The following ADCY8 variants were observed in gnomAD, a reference collection of about 807,000 sequenced individuals.
ADCY8 encodes adenylate cyclase type 8.
ADCY8 carries 51 observed loss-of-function variants against 119.7 expected under a neutral mutation model. The observed-to-expected ratio is 0.43, with a 90% CI of 0.34 to 0.54. The LOEUF is 0.54. Ranked by LOEUF, ADCY8 falls within the 20% of genes least tolerant of loss-of-function variation. The pLI, the probability that ADCY8 is intolerant of heterozygous loss-of-function variation, is 0.03. For missense variants in ADCY8, 1,383 were observed against 1,598.8 expected, an observed-to-expected ratio of 0.87 and a Z score of 2.30; for synonymous variants, 665 against 651.0, an observed-to-expected ratio of 1.02 and a Z score of -0.33.
chr8:130,991,479 CAGTA>C (rs1334206748), intron 1 of ADCY8, among the ~76,000 whole-genome samples: 2 of 152,160 alleles, frequency 1.3e-5, no homozygotes, highest in Non-Finnish European at 2.9e-5. Flanking sequence ...ATAGGGAAGA[CAGTA>C]AGCAATTGAG....
chr8:131,004,108 C>G (rs887419762), intron 1 of ADCY8, among the ~76,000 whole-genome samples: 9 of 152,096 alleles, frequency 5.9e-5, no homozygotes, highest in African/African-American at 1.9e-4. Context: ...GGAAGATTTG[C>G]AAGAGTGAAG....
At chr8:130,979,595 T>C (rs950905889) in intron 2 of ADCY8, among the ~76,000 whole-genome samples, 12 of 152,152 alleles carry the variant, frequency 7.9e-5, no homozygotes, top group African/African-American at 2.9e-4. Flanking sequence ...CATCGTAGCA[T>C]AATAATTGGT....
At chr8:131,038,655 A>G (rs1824244601) in intron 1 of ADCY8, among the ~76,000 whole-genome samples, 1 of 152,350 alleles carries the variant, frequency 6.6e-6, no homozygotes, top group African/African-American at 2.4e-5. Flanking sequence ...TAAAGCATCT[A>G]CATCAAAATG....
rs1819689888 is a variant in ADCY8 at position 130,903,875 on chromosome 8, T to A, written c.1808A>T (p.Lys603Met). Residue 603 changes from lysine to methionine, a missense_variant, in exon 7 of 18, where the codon AAG becomes ATG. This residue lies in a region of ADCY8 where 928 missense variants were observed against 1,163.5 expected (regional missense o/e 0.80). Transcript: ENST00000286355. The stretch of plus-strand genomic sequence containing the variant: ...CCGGTCTGAGGAGCTCACTGACTCC[T>A]TGACGATATCTTCAGGCAAGGACAG... Reference protein sequence around the residue: ...SLLSLPEDIVKESVSSSDRRN... With the variant: ...SLLSLPEDIVMESVSSSDRRN... 2 of 1,613,978 alleles carry A rather than the reference T, an allele frequency of 1.2e-6. No homozygotes were observed. The highest frequency in any genetic ancestry group is 1.3e-5 in the African/African-American group (1 of 74,924).
intron 12 of ADCY8, among the ~76,000 whole-genome samples, chr8:130,832,696 G>A (rs1019141650): frequency 1.3e-5 from 2 of 152,164 alleles, no homozygotes; most frequent in African/African-American, 4.8e-5. Context: ...TGAACCTGGA[G>A]TTATATTTAC....
chr8:130,984,676 A>G (rs1444857412), intron 2 of ADCY8, among the ~76,000 whole-genome samples: 1 of 152,204 alleles, frequency 6.6e-6, no homozygotes, highest in East Asian at 1.9e-4. Context: ...AAGGAAATAT[A>G]GAAAAAAATG....
intron 15 of ADCY8, among the ~76,000 whole-genome samples, chr8:130,799,612 C>T (rs1815702033): frequency 6.6e-6 from 1 of 152,202 alleles, no homozygotes; most frequent in African/African-American, 2.4e-5. Context: ...CTCATGAGAA[C>T]TCCCTTGCTG....
chr8:130,838,911 C>G (rs60891573), intron 11 of ADCY8, among the ~76,000 whole-genome samples: 2 of 140,336 alleles, frequency 1.4e-5, no homozygotes, highest in African/African-American at 4.9e-5. Context: ...AGAGGAAGGA[C>G]AAAGCGTTGT....
chr8:130,933,195 TAAAC>T (rs1820685435), intron 5 of ADCY8, among the ~76,000 whole-genome samples: 1 of 131,760 alleles, frequency 7.6e-6, no homozygotes, highest in Non-Finnish European at 1.6e-5. Flanking sequence ...GGGACACCAG[TAAAC>T]AAATGTTATA....
intron 11 of ADCY8, among the ~76,000 whole-genome samples, chr8:130,842,495 G>T (rs746330418): frequency 6.6e-6 from 1 of 151,836 alleles, no homozygotes; most frequent in South Asian, 2.1e-4. Flanking sequence ...TTTTATTTTG[G>T]ATACTTTATA....
At chr8:131,012,800 T>C (rs1012569147) in intron 1 of ADCY8, among the ~76,000 whole-genome samples, 5 of 152,230 alleles carry the variant, frequency 3.3e-5, no homozygotes, top group Non-Finnish European at 7.3e-5. Flanking sequence ...GTGTTGACTG[T>C]GGTCTCTGTT....
chr8:130,873,709 T>C (rs1185810050), intron 8 of ADCY8, among the ~76,000 whole-genome samples: 1 of 152,206 alleles, frequency 6.6e-6, no homozygotes, highest in Non-Finnish European at 1.5e-5. Context: ...CAATCTTTAC[T>C]AATGCCAGTT....
chr8:130,870,702 G>T (rs1015107844), intron 8 of ADCY8, among the ~76,000 whole-genome samples: 1 of 152,000 alleles, frequency 6.6e-6, no homozygotes, highest in African/African-American at 2.4e-5. Flanking sequence ...CTTTTATGAA[G>T]GTTTTTTACT....
chr8:130,961,171 G>A (rs1199596496), intron 2 of ADCY8, among the ~76,000 whole-genome samples: 2 of 151,984 alleles, frequency 1.3e-5, no homozygotes, highest in African/African-American at 4.8e-5. Context: ...ATGCAGTGGC[G>A]AGATCTTGGT....
intron 8 of ADCY8, among the ~76,000 whole-genome samples, chr8:130,875,455 T>C (rs1034345747): frequency 1.3e-5 from 2 of 152,192 alleles, no homozygotes; most frequent in African/African-American, 4.8e-5. Flanking sequence ...GACCATTTGG[T>C]TCATGCTTCA....
chr8:130,886,497 G>A (rs1318842495), intron 7 of ADCY8, among the ~76,000 whole-genome samples: 1 of 152,126 alleles, frequency 6.6e-6, no homozygotes, highest in Non-Finnish European at 1.5e-5. Context: ...AGCAAAGGAA[G>A]CTGAACTGTC....
At chr8:130,850,013 C>T (rs988437802) in intron 9 of ADCY8, among the ~76,000 whole-genome samples, 2 of 152,148 alleles carry the variant, frequency 1.3e-5, no homozygotes, top group Admixed American at 6.5e-5. Context: ...TGCAAAAAAA[C>T]AGAATATTTG....
rs1386894275 is a variant in ADCY8, at chr8:130,853,801, T to C, written c.2211-3998A>G. ...GTCCAGTGGCAAGAGCAAAGTCTTATATGTTTGAACCTGTAGTTCTGAAGC... is the reference window on the plus strand; with the variant it reads ...GTCCAGTGGCAAGAGCAAAGTCTTACATGTTTGAACCTGTAGTTCTGAAGC... On this transcript the variant is annotated intron_variant, in intron 9 of 17. Coordinates refer to ENST00000286355, the MANE Select transcript of ADCY8 (RefSeq NM_001115.3). Among the ~76,000 whole-genome samples, 3 of 152,160 alleles carry C rather than the reference T, an allele frequency of 2.0e-5. No individual in the cohort carries two copies. The East Asian group carries it at 5.8e-4, about 29-fold the overall frequency.
At chr8:130,820,622 C>T (rs1371403023) in intron 13 of ADCY8, among the ~76,000 whole-genome samples, 1 of 152,228 alleles carries the variant, frequency 6.6e-6, no homozygotes, top group Admixed American at 6.5e-5. Context: ...CCACACATAA[C>T]ATGTTTGCAT....
Sources: allele counts gnomAD v4.1 joint callset (sites outside exome capture counted in the v4.1 genomes callset), GRCh38; gene constraint gnomAD v4.1.1; regional missense constraint gnomAD v4.1.1; transcripts MANE v1.5; gene names NCBI Gene and HGNC (gene_info 2026-07-23, HGNC 2026-07-21).